Variants in CLSTN2 observed in about 807,000 individuals in gnomAD.
CLSTN2 encodes calsyntenin 2, also known as calsyntenin-2.
CLSTN2 carries 48 observed loss-of-function variants against 101.2 expected under a neutral mutation model. That is an observed-to-expected ratio of 0.47 (90% CI 0.38 to 0.60). The LOEUF (loss-of-function observed/expected upper bound fraction) is 0.60, where lower values mean the gene tolerates loss of function less well. Among genes scored for constraint, CLSTN2 ranks in the 20% least tolerant of loss-of-function variants. The probability of loss-of-function intolerance (pLI) is 0.00; values close to 1 mark genes in which losing one functional copy is unlikely to be tolerated. For synonymous variants in CLSTN2, 481 were observed against 463.6 expected, an observed-to-expected ratio of 1.04 and a Z score of -0.48; for missense variants, 1,160 against 1,238.2, an observed-to-expected ratio of 0.94 and a Z score of 0.95.
At chr3:140,448,234 T>TG (rs964259735) in intron 5 of CLSTN2, among the ~76,000 whole-genome samples, 28 of 141,658 alleles carry the variant, frequency 2.0e-4, no homozygotes, top group Non-Finnish European at 9.5e-5. Flanking sequence ...TGTGTGTGTG[T>TG]GTGTGTGTGC....
intron 8 of CLSTN2, among the ~76,000 whole-genome samples, chr3:140,469,870 C>T (rs1431264057): frequency 6.6e-6 from 1 of 152,086 alleles, no homozygotes; most frequent in African/African-American, 2.4e-5. Context: ...TGAAAACCTC[C>T]GGGTGATTAA....
chr3:140,466,443 A>G (rs1483052510), intron 7 of CLSTN2, among the ~76,000 whole-genome samples, 167 bp from the exon 8 acceptor site: 2 of 152,136 alleles, frequency 1.3e-5, no homozygotes, highest in Non-Finnish European at 2.9e-5. Context: ...GAAGAGCTCT[A>G]TCATGTGCGT....
In CLSTN2 at chr3:140,403,764, T is replaced by G; in HGVS notation, c.368T>G (p.Ile123Ser). Residue 123 changes from isoleucine (I) to serine (S), a missense_variant, in exon 3 of 17, where the codon ATC becomes AGC. Transcript: ENST00000458420. ...GAGTTGCAGAAGGAGTACACATTCATCATCCAGGCCTATGACTGTGGTGCT... is the reference window on the plus strand; with the variant it reads ...GAGTTGCAGAAGGAGTACACATTCAGCATCCAGGCCTATGACTGTGGTGCT... The part of the protein sequence containing the change: ...DCELQKEYTF[I>S]IQAYDCGAGP... The G allele has an allele frequency of 6.2e-7, 1 of 1,614,152 alleles. No individual in the cohort carries two copies. Among genetic ancestry groups the G allele is most frequent in the Non-Finnish European group, 8.5e-7 (1 of 1,180,024 alleles).
At chr3:140,376,636 T>C (rs1035467926) in intron 2 of CLSTN2, among the ~76,000 whole-genome samples, 2 of 152,252 alleles carry the variant, frequency 1.3e-5, no homozygotes, top group South Asian at 2.1e-4. Context: ...TCACAACATG[T>C]TGCATAGGGT....
At chr3:139,938,522 A>T (rs953717440) in intron 1 of CLSTN2, among the ~76,000 whole-genome samples, 2 of 152,142 alleles carry the variant, frequency 1.3e-5, no homozygotes, top group Middle Eastern at 3.2e-3. Context: ...CCTTCCCTTC[A>T]CCCTTACATA....
intron 1 of CLSTN2, among the ~76,000 whole-genome samples, chr3:140,097,891 G>A (rs370518037): frequency 7.9e-5 from 12 of 152,240 alleles, no homozygotes; most frequent in Admixed American, 2.6e-4. Flanking sequence ...GTGAGTTCTC[G>A]TATTTTTGTT....
chr3:140,264,051 A>G (rs2107884911), intron 2 of CLSTN2, among the ~76,000 whole-genome samples: 1 of 143,130 alleles, frequency 7.0e-6, no homozygotes, highest in South Asian at 2.3e-4. Flanking sequence ...CAGAGTGGTG[A>G]AAAATTTAAG....
At chr3:140,120,939 C>T (rs1045260494) in intron 1 of CLSTN2, among the ~76,000 whole-genome samples, 3 of 152,086 alleles carry the variant, frequency 2.0e-5, no homozygotes, top group African/African-American at 7.2e-5. Flanking sequence ...TTTCAATGCC[C>T]CTGAAGTATT....
At chr3:140,342,118 T>C (rs905737941) in intron 2 of CLSTN2, among the ~76,000 whole-genome samples, 5 of 152,216 alleles carry the variant, frequency 3.3e-5, no homozygotes, top group Non-Finnish European at 7.3e-5. Flanking sequence ...TGGAAGATTC[T>C]TACCAAGTTG....
At chr3:140,157,101 G>A (rs141635464) in intron 1 of CLSTN2, among the ~76,000 whole-genome samples, 42 of 152,262 alleles carry the variant, frequency 2.8e-4, no homozygotes, top group East Asian at 1.7e-3. Flanking sequence ...GGGAAGCATC[G>A]CTGCTCAGAA....
chr3:140,260,999 G>A (rs896841481), intron 2 of CLSTN2, among the ~76,000 whole-genome samples: 3 of 152,178 alleles, frequency 2.0e-5, no homozygotes, highest in Non-Finnish European at 2.9e-5. Context: ...TAAAGGATAT[G>A]TAATATCATC....
At chr3:140,128,834 G>A (rs138696898) in intron 1 of CLSTN2, among the ~76,000 whole-genome samples, 1 of 152,296 alleles carries the variant, frequency 6.6e-6, no homozygotes, top group East Asian at 1.9e-4. Flanking sequence ...AGAAGGGAAG[G>A]TGGATCTGGA....
chr3:140,368,695 C>T (rs2087819995), intron 2 of CLSTN2, among the ~76,000 whole-genome samples: 1 of 152,100 alleles, frequency 6.6e-6, no homozygotes, highest in African/African-American at 2.4e-5. Context: ...TAAAGAAGAG[C>T]CCACCACCTG....
chr3:140,399,972 A>T (rs1433599172), intron 2 of CLSTN2, among the ~76,000 whole-genome samples: 1 of 152,080 alleles, frequency 6.6e-6, no homozygotes, highest in African/African-American at 2.4e-5. Context: ...GCCTGAAAAA[A>T]AAAAAAGCAA....
chr3:139,982,864 A>G (rs1362295066), intron 1 of CLSTN2, among the ~76,000 whole-genome samples: 1 of 152,064 alleles, frequency 6.6e-6, no homozygotes, highest in African/African-American at 2.4e-5. Flanking sequence ...ATTAGTTCAG[A>G]CTATATATAG....
Position 139,935,211 on chromosome 3 carries a change from TAGCGGCGC to T in CLSTN2, c.-156_-149del, listed in dbSNP as rs1934997637. 4 of 343,290 alleles carry T rather than the reference TAGCGGCGC, an allele frequency of 1.2e-5. No individual in the cohort carries two copies. Among genetic ancestry groups the T allele is most frequent in the Non-Finnish European group, 2.1e-5 (4 of 193,370 alleles). The allele number at this position is 343,290 out of a possible 1,614,324, so 21.3% of individuals were successfully genotyped here. A position where few individuals can be genotyped will look rare whatever the true frequency, so the allele number is the denominator to read the frequency against. ...GTGAGCGCGGCTGCTGCCGGCGAGC[TAGCGGCGC>T]AGCGGCGGGAACCCGAGGCCGAGCG... On this transcript the variant is annotated 5_prime_UTR_variant, in exon 1 of 17. Transcript: ENST00000458420. The surrounding 1 kb of genome is among the most constrained non-coding windows in gnomAD (Gnocchi z 5.5).
chr3:140,325,434 A>T (rs2087322801), intron 2 of CLSTN2, among the ~76,000 whole-genome samples: 1 of 152,210 alleles, frequency 6.6e-6, no homozygotes, highest in African/African-American at 2.4e-5. Context: ...TTGCTCATGA[A>T]GACCCCCTCC....
At chr3:139,953,990 T>C (rs1935342900) in intron 1 of CLSTN2, among the ~76,000 whole-genome samples, 1 of 151,736 alleles carries the variant, frequency 6.6e-6, no homozygotes, top group South Asian at 2.1e-4. Context: ...ACTTTTATTT[T>C]GGGTTCAGGG....
At chr3:139,980,979 T>A (rs1935906707) in intron 1 of CLSTN2, among the ~76,000 whole-genome samples, 2 of 152,076 alleles carry the variant, frequency 1.3e-5, no homozygotes, top group African/African-American at 4.8e-5. Context: ...TGTGCCTAGA[T>A]AACTGAAATT....
Sources: gnomAD v4.1 joint callset for allele counts (sites outside exome capture counted in the v4.1 genomes callset) on GRCh38, gnomAD v4.1.1 for gene constraint, Gnocchi (gnomAD v3.1) non-coding constraint, MANE v1.5 for transcripts, NCBI Gene and HGNC (gene_info 2026-07-23, HGNC 2026-07-21) for gene names.